Variants in PCNX2 observed in about 807,000 individuals in gnomAD.
The protein encoded by PCNX2 is pecanex 2.
Under a neutral mutation model 223.8 loss-of-function variants are expected in PCNX2, and 168 were observed. The ratio of observed to expected loss-of-function variants is 0.75; its 90% CI spans 0.66 to 0.85. The LOEUF (loss-of-function observed/expected upper bound fraction) is 0.85. Ranked by LOEUF, PCNX2 falls within the 40% of genes least tolerant of loss-of-function variation. The pLI is 0.00. For missense variants in PCNX2, 2,507 were observed against 2,675.5 expected (o/e 0.94, Z 1.39); for synonymous variants, 1,006 against 1,052.6 (o/e 0.96, Z 0.86).
chr1:233,232,517 G>A (rs1658127836), intron 9 of PCNX2, among the ~76,000 whole-genome samples: 1 of 152,080 alleles, frequency 6.6e-6, no homozygotes, highest in Non-Finnish European at 1.5e-5. Context: ...ATGAACTTCT[G>A]AACATGATAA....
At position 233,139,011 on chromosome 1, in the gene PCNX2, G is replaced by A. The variant is rs1029432801; in HGVS notation, c.3659+703C>T. Reference sequence around the variant, plus strand: ...CTTGGATACATAGTGTTTAAGCAACGTGACTAATGAGCAAATCTGGGAAAG... The same window carrying A: ...CTTGGATACATAGTGTTTAAGCAACATGACTAATGAGCAAATCTGGGAAAG... On this transcript the variant is annotated intron_variant, in intron 20 of 33. Transcript: ENST00000258229. This position sits in a 1 kb window ranked among gnomAD's most constrained non-coding sequence, Gnocchi z 4.4. 2.0e-5 allele frequency among the ~76,000 whole-genome samples: 3 copies of A among 152,188 alleles called. No individual in the cohort carries two copies. Among genetic ancestry groups the A allele is most frequent in the Non-Finnish European group, 2.9e-5 (2 of 68,028 alleles).
At chr1:233,170,891 T>C (rs887903913) in intron 17 of PCNX2, among the ~76,000 whole-genome samples, 10 of 152,250 alleles carry the variant, frequency 6.6e-5, no homozygotes, top group Admixed American at 5.2e-4. Flanking sequence ...GCATACCTAA[T>C]TTATCACAGA....
Position 233,184,826 on chromosome 1 carries a change from C to T in PCNX2, c.3067-5651G>A, listed in dbSNP as rs1025343736. Among the ~76,000 whole-genome samples, 8 of 152,086 alleles carry T rather than the reference C, an allele frequency of 5.3e-5. No homozygotes were observed. In the East Asian group the frequency reaches 7.7e-4, roughly 15 times the overall value. ...AAAGCAAAGTTATGCCAGCGGGGCA[C>T]ACTTATTCTTCCAAGAAAAGGGTGG... On this transcript the variant is annotated intron_variant, in intron 15 of 33. Transcript: ENST00000258229.
upstream of PCNX2, among the ~76,000 whole-genome samples, chr1:233,296,528 T>G (rs1007269998): frequency 6.6e-6 from 1 of 152,222 alleles, no homozygotes; most frequent in Non-Finnish European, 1.5e-5. Flanking sequence ...TATTATATAT[T>G]TTATCATTTA....
chr1:233,103,517 A>G (rs1674607390), intron 21 of PCNX2, among the ~76,000 whole-genome samples: 1 of 152,156 alleles, frequency 6.6e-6, no homozygotes, highest in Admixed American at 6.5e-5. Flanking sequence ...ACATCCCACA[A>G]ATAGATGAGA....
At position 233,009,507 on chromosome 1, in the gene PCNX2, G is replaced by A. The variant is rs571632973; in HGVS notation, c.4952+5158C>T. On this transcript the variant is annotated intron_variant, in intron 28 of 33. Coordinates refer to ENST00000258229, the MANE Select transcript of PCNX2 (RefSeq NM_014801.4). The stretch of plus-strand genomic sequence containing the variant: ...GCAAAATTTAATTAAAAATATATTT[G>A]TAAAGTAGTTTGACCTCATGATGTT... Among the ~76,000 whole-genome samples the A allele has an allele frequency of 6.6e-5, 10 of 152,304 alleles. No homozygotes were observed. In the South Asian group the frequency reaches 2.1e-3, roughly 32 times the overall value.
At chr1:232,994,078 A>C (rs1365986250) in intron 32 of PCNX2, among the ~76,000 whole-genome samples, 1 of 152,256 alleles carries the variant, frequency 6.6e-6, no homozygotes, top group Non-Finnish European at 1.5e-5. Context: ...GAGCCCCCAG[A>C]GTCCCACTGG....
chr1:233,224,209 T>A (rs1657560624), intron 10 of PCNX2, among the ~76,000 whole-genome samples: 1 of 152,140 alleles, frequency 6.6e-6, no homozygotes, highest in Admixed American at 6.5e-5. Context: ...CCTGATCGAC[T>A]AGATAAATGA....
chr1:233,242,475 G>A (rs1015999034), intron 8 of PCNX2, among the ~76,000 whole-genome samples: 1 of 152,128 alleles, frequency 6.6e-6, no homozygotes, highest in African/African-American at 2.4e-5. Context: ...GATTTCACTG[G>A]GGAGCAGATG....
chr1:233,208,711 T>A, intron 12 of PCNX2, 22 bp from the exon 13 acceptor site: 2 of 1,604,242 alleles, frequency 1.2e-6, no homozygotes, highest in Non-Finnish European at 1.7e-6. Context: ...ACACAATTTC[T>A]GAATGGTACC....
At chr1:232,989,508 C>T (rs192276472) in intron 32 of PCNX2, among the ~76,000 whole-genome samples, 2 of 152,142 alleles carry the variant, frequency 1.3e-5, no homozygotes, top group African/African-American at 4.8e-5. Context: ...TCTGTCATGC[C>T]CTTCCCAGAG....
chr1:233,057,454 A>G (rs919649574), intron 23 of PCNX2, 164 bp from the exon 24 acceptor site: 3 of 615,022 alleles, frequency 4.9e-6, no homozygotes, highest in Non-Finnish European at 8.8e-6. Flanking sequence ...GAGGAGTCTC[A>G]TGATAAGAGA....
the PCNX2 span, among the ~76,000 whole-genome samples, chr1:233,301,240 G>C: frequency 6.6e-6 from 1 of 152,046 alleles, no homozygotes; most frequent in Admixed American, 6.5e-5. Flanking sequence ...AAACAAGAAA[G>C]GTCCTTTAAA....
At chr1:233,219,171 G>A (rs1352778025) in intron 10 of PCNX2, among the ~76,000 whole-genome samples, 25 of 152,124 alleles carry the variant, frequency 1.6e-4, no homozygotes, top group Admixed American at 1.6e-3. Context: ...TTTTAGGATA[G>A]AGATAGGAAG....
chr1:233,166,865 G>A (rs1355970242), intron 17 of PCNX2, among the ~76,000 whole-genome samples: 1 of 152,106 alleles, frequency 6.6e-6, no homozygotes, highest in Non-Finnish European at 1.5e-5. Flanking sequence ...AAATAGGCCA[G>A]GTGTGTTGGT....
intron 26 of PCNX2, among the ~76,000 whole-genome samples, chr1:233,024,353 C>G (rs1290693582): frequency 6.6e-6 from 1 of 152,206 alleles, no homozygotes; most frequent in Non-Finnish European, 1.5e-5. Flanking sequence ...TGGCCTCCGA[C>G]GGATGAGCTT....
Position 233,257,335 on chromosome 1 carries a change from G to A in PCNX2, c.1834+693C>T, listed in dbSNP as rs536349529. 7.2e-5 allele frequency among the ~76,000 whole-genome samples: 11 copies of A among 152,196 alleles called. No homozygotes were observed. The East Asian group carries it at 9.7e-4, about 13-fold the overall frequency. ...GGAAGGATGATGGTATATCCATAAC[G>A]TAAAGTTATATAAGGAGTAAGTGAG... On this transcript the variant is annotated intron_variant, in intron 5 of 33. Transcript: ENST00000258229.
At chr1:233,111,579 T>A (rs1427221599) in intron 21 of PCNX2, among the ~76,000 whole-genome samples, 1 of 152,062 alleles carries the variant, frequency 6.6e-6, no homozygotes, top group Non-Finnish European at 1.5e-5. Flanking sequence ...AATGTTTGAA[T>A]TTTTTGTAGA....
intron 12 of PCNX2, among the ~76,000 whole-genome samples, chr1:233,216,618 T>C (rs1294928172): frequency 6.6e-6 from 1 of 152,172 alleles, no homozygotes; most frequent in Non-Finnish European, 1.5e-5. Flanking sequence ...GTACAGCCAT[T>C]ATGGAAAACA....
Sources: gnomAD v4.1 joint callset for allele counts (sites outside exome capture counted in the v4.1 genomes callset) on GRCh38, gnomAD v4.1.1 for gene constraint, Gnocchi (gnomAD v3.1) non-coding constraint, MANE v1.5 for transcripts, NCBI Gene and HGNC (gene_info 2026-07-23, HGNC 2026-07-21) for gene names.